SRGAP1: variants seen among roughly 807,000 people sequenced by gnomAD.
The protein encoded by SRGAP1 is SLIT-ROBO Rho GTPase activating protein 1.
SRGAP1 carries 43 observed loss-of-function variants against 121.9 expected under a neutral mutation model. The observed-to-expected ratio is 0.35, with a 90% confidence interval of 0.28 to 0.46. The LOEUF is 0.46. SRGAP1 is among the 20% of genes least tolerant of loss of function. The pLI is 1.00. For missense variants in SRGAP1, 1,102 were observed against 1,350.9 expected (o/e 0.82, Z 2.89); for synonymous variants, 447 against 485.4 (o/e 0.92, Z 1.04).
chr12:64,102,070 A>G (rs1373963276), intron 15 of SRGAP1, among the ~76,000 whole-genome samples: 1 of 152,230 alleles, frequency 6.6e-6, no homozygotes. Context: ...AACAAATACT[A>G]TGTTTCATGT....
rs187388448 is a variant in SRGAP1 at position 63,917,946 on chromosome 12, G to A, written c.68-66001G>A. Among the ~76,000 whole-genome samples, 83 of 152,292 alleles carry A rather than the reference G, an allele frequency of 5.5e-4. 1 individual carries two copies. Among genetic ancestry groups the A allele is most frequent in the Admixed American group, 8.5e-4 (13 of 15,294 alleles). ...GTCTTGCTGATTTCCTATGCTAGTG[G>A]CTAGCACAAATGCAAGATTATATTG... is the stretch of plus-strand genomic sequence containing the variant. On this transcript the variant is annotated intron_variant, in intron 1 of 21. Coordinates refer to ENST00000355086, the MANE Select transcript of SRGAP1 (RefSeq NM_020762.4).
chr12:64,072,915 A>G (rs1344656063), intron 8 of SRGAP1, among the ~76,000 whole-genome samples: 1 of 152,174 alleles, frequency 6.6e-6, no homozygotes, highest in Non-Finnish European at 1.5e-5. Context: ...GTTTTGACCC[A>G]CAGCTCAGAG....
chr12:63,914,018 G>A (rs149663951), intron 1 of SRGAP1, among the ~76,000 whole-genome samples: 34 of 152,156 alleles, frequency 2.2e-4, no homozygotes, highest in African/African-American at 8.2e-4. Flanking sequence ...AAGTACCTAA[G>A]GGCAAAGTCC....
At position 64,142,276 on chromosome 12, in the gene SRGAP1, T is replaced by C. The variant is rs112586822; in HGVS notation, c.2881-19T>C. ...ATTATCAGTCTGTGCTTTCTCTCTT[T>C]CCGATTATTCTTCAATAGGATATTG... On this transcript the variant is annotated intron_variant, in intron 21 of 21. Coordinates refer to ENST00000355086, the MANE Select transcript of SRGAP1 (RefSeq NM_020762.4). The C allele has an allele frequency of 3.2e-4, 515 of 1,605,762 alleles. 1 individual carries two copies. The African/African-American group carries it at 6.1e-3, about 19-fold the overall frequency.
chr12:63,924,497 GA>G (rs2136330604), intron 1 of SRGAP1, among the ~76,000 whole-genome samples: 1 of 152,282 alleles, frequency 6.6e-6, no homozygotes, highest in East Asian at 1.9e-4. Flanking sequence ...CAGTTTTTTG[GA>G]GGAGCATAAG....
chr12:63,920,449 G>A (rs1175482174), intron 1 of SRGAP1, among the ~76,000 whole-genome samples: 1 of 152,146 alleles, frequency 6.6e-6, no homozygotes, highest in East Asian at 1.9e-4. Context: ...GGAGTGGAGA[G>A]GCTAGTTCTC....
chr12:64,144,884 G>GC lies in SRGAP1; in HGVS notation c.*2215dup, dbSNP rs556370153. 2.2e-3 allele frequency: 245 copies of GC among 112,282 alleles called. No homozygotes were observed. Among genetic ancestry groups the GC allele is most frequent in the African/African-American group, 8.3e-3 (229 of 27,600 alleles). The allele number at this position is 112,282 out of a possible 1,614,324, so 7.0% of individuals were successfully genotyped here. A position where few individuals can be genotyped will look rare whatever the true frequency, so the allele number is the denominator to read the frequency against. On this transcript the variant is annotated 3_prime_UTR_variant, in exon 22 of 22. Transcript: ENST00000355086. ...TTTTGAGTTGGAGTCTTGCTCTGTC[G>GC]CCCAGGCCAGAGTACAGTGGTGCAA...
At chr12:64,053,119 A>G (rs1047954140) in intron 6 of SRGAP1, among the ~76,000 whole-genome samples, 2 of 152,218 alleles carry the variant, frequency 1.3e-5, no homozygotes, top group Non-Finnish European at 2.9e-5. Context: ...GGAGTATTAG[A>G]GAGCACCTAC....
intron 18 of SRGAP1, among the ~76,000 whole-genome samples, chr12:64,119,466 G>A (rs2136627310): frequency 6.6e-6 from 1 of 152,020 alleles, no homozygotes; most frequent in African/African-American, 2.4e-5. Flanking sequence ...ATTAATATGG[G>A]GAGAATTAAT....
chr12:64,135,106 T>A (rs2036839280), intron 21 of SRGAP1, among the ~76,000 whole-genome samples: 1 of 152,114 alleles, frequency 6.6e-6, no homozygotes, highest in African/African-American at 2.4e-5. Context: ...AGGGAGGGGA[T>A]GTTGCCGCTA....
At chr12:63,949,627 C>T (rs1476763742) in intron 1 of SRGAP1, among the ~76,000 whole-genome samples, 1 of 151,852 alleles carries the variant, frequency 6.6e-6, no homozygotes, top group Admixed American at 6.6e-5. Context: ...CGGTGTTTCA[C>T]CGTTTTAGCC....
intron 21 of SRGAP1, among the ~76,000 whole-genome samples, chr12:64,136,693 A>G (rs1276188729): frequency 2.0e-5 from 3 of 152,256 alleles, no homozygotes; most frequent in African/African-American, 4.8e-5. Flanking sequence ...TTAAGTGTAC[A>G]GCAACTTCTC....
chr12:63,915,586 A>G (rs538614263), intron 1 of SRGAP1, among the ~76,000 whole-genome samples: 1 of 152,224 alleles, frequency 6.6e-6, no homozygotes, highest in Non-Finnish European at 1.5e-5. Flanking sequence ...GAAGATTTTT[A>G]GCTGGAGACA....
intron 4 of SRGAP1, among the ~76,000 whole-genome samples, chr12:64,031,616 A>G (rs1453625020): frequency 1.3e-5 from 2 of 152,176 alleles, no homozygotes; most frequent in Admixed American, 6.5e-5. Context: ...CACTGTTTTC[A>G]TATACTACTC....
intron 1 of SRGAP1, among the ~76,000 whole-genome samples, chr12:63,918,202 G>A (rs1373411337): frequency 6.6e-6 from 1 of 152,134 alleles, no homozygotes; most frequent in Non-Finnish European, 1.5e-5. Flanking sequence ...CGTTGTGCAA[G>A]AATAATATTG....
rs1209163679 is a variant in SRGAP1 at position 64,146,885 on chromosome 12, T to A, written c.*4213T>A. On this transcript the variant is annotated 3_prime_UTR_variant, in exon 22 of 22. Coordinates refer to ENST00000355086, the MANE Select transcript of SRGAP1 (RefSeq NM_020762.4). ...TTTCACTTACCCTAGTATACGTTCT[T>A]AAAAAAAAAAAAAAGTCTATGTGGT... is the stretch of plus-strand genomic sequence containing the variant. 6.9e-6 allele frequency: 1 copy of A among 145,112 alleles called. No homozygotes were observed. 9.0% of individuals were successfully genotyped at this position (145,112 alleles called of 1,614,324 possible).
rs999083449 is a variant in SRGAP1 at position 64,161,262 on chromosome 12, G to GGAA, written c.*18593_*18595dup. The GGAA allele has an allele frequency of 6.6e-6, 1 of 152,052 alleles. No individual in the cohort carries two copies. The highest frequency in any genetic ancestry group is 2.4e-5 in the African/African-American group (1 of 41,400). 9.4% of individuals were successfully genotyped at this position (152,052 alleles called of 1,614,324 possible). ...TTATAAACCTTCTTGGATCTATCAA[G>GGAA]GAAGATTTATTTGATTATTTTATCT... is the stretch of plus-strand genomic sequence containing the variant. On this transcript the variant is annotated 3_prime_UTR_variant, in exon 22 of 22. Transcript: ENST00000355086.
intron 8 of SRGAP1, among the ~76,000 whole-genome samples, chr12:64,075,507 G>A (rs1049544407): frequency 6.6e-6 from 1 of 152,140 alleles, no homozygotes; most frequent in African/African-American, 2.4e-5. Context: ...GATTTTGGGG[G>A]GCTTGTTCCC....
chr12:63,906,998 C>A (rs2030243966), intron 1 of SRGAP1, among the ~76,000 whole-genome samples: 1 of 151,928 alleles, frequency 6.6e-6, no homozygotes, highest in Non-Finnish European at 1.5e-5. Context: ...AATGGAAACA[C>A]AAATTGTGCC....
Sources: allele counts gnomAD v4.1 joint callset (sites outside exome capture counted in the v4.1 genomes callset), GRCh38; gene constraint gnomAD v4.1.1; transcripts MANE v1.5; gene names NCBI Gene and HGNC (gene_info 2026-07-23, HGNC 2026-07-21).